GALNTL6: variants seen among roughly 807,000 people sequenced by gnomAD.
GALNTL6 encodes polypeptide N-acetylgalactosaminyltransferase like 6.
A neutral mutation model predicts 73.7 loss-of-function variants in GALNTL6; 46 were observed. The ratio of observed to expected loss-of-function variants is 0.62; its 90% CI spans 0.49 to 0.80. The LOEUF (loss-of-function observed/expected upper bound fraction) is 0.80, where lower values mean the gene tolerates loss of function less well. Ranked by LOEUF, GALNTL6 falls within the 30% of genes least tolerant of loss-of-function variation. The probability of loss-of-function intolerance (pLI) is 0.00; values close to 1 mark genes in which losing one functional copy is unlikely to be tolerated. For missense variants in GALNTL6, 604 were observed against 755.0 expected (o/e 0.80, Z 2.34); for synonymous variants, 259 against 263.7 (o/e 0.98, Z 0.17).
intron 2 of GALNTL6, among the ~76,000 whole-genome samples, chr4:171,946,799 A>T (rs1738715021): frequency 6.6e-6 from 1 of 152,108 alleles, no homozygotes; most frequent in Admixed American, 6.6e-5. Context: ...GAGGAAAAGG[A>T]TTTGGCATGT....
chr4:172,597,973 TAGAG>T (rs1204811083), intron 5 of GALNTL6, among the ~76,000 whole-genome samples: 1 of 151,972 alleles, frequency 6.6e-6, no homozygotes, highest in East Asian at 1.9e-4. Context: ...TTGTGAATAT[TAGAG>T]AGAATTCTGC....
intron 5 of GALNTL6, among the ~76,000 whole-genome samples, chr4:172,456,230 C>T (rs867083648): frequency 6.6e-6 from 1 of 151,986 alleles, no homozygotes; most frequent in Middle Eastern, 3.4e-3. Flanking sequence ...TAGATAAATC[C>T]ACAAAGATGA....
At chr4:172,380,360 C>T (rs1384460418) in intron 5 of GALNTL6, 1 of 695,188 alleles carries the variant, frequency 1.4e-6, no homozygotes, top group Non-Finnish European at 2.7e-6. Flanking sequence ...GTGGGAATCC[C>T]AGGGACTGGC....
chr4:171,990,697 AG>A (rs1359105922), intron 2 of GALNTL6, among the ~76,000 whole-genome samples: 3 of 152,230 alleles, frequency 2.0e-5, no homozygotes, highest in African/African-American at 7.2e-5. Flanking sequence ...CAAACTAAAA[AG>A]TCAAGAAATG....
At chr4:172,206,773 GTGTTTTTTGTTT>G (rs1560969098) in intron 2 of GALNTL6, among the ~76,000 whole-genome samples, 1 of 100,178 alleles carries the variant, frequency 1.0e-5, no homozygotes, top group Non-Finnish European at 2.3e-5. Flanking sequence ...CAGATGAAAC[GTGTTTTTTGTTT>G]TGTTTTGTTT....
At chr4:172,476,443 T>C (rs1164736464) in intron 5 of GALNTL6, among the ~76,000 whole-genome samples, 2 of 152,204 alleles carry the variant, frequency 1.3e-5, no homozygotes, top group Non-Finnish European at 2.9e-5. Flanking sequence ...ATTCAGACCA[T>C]AGCAAATATG....
At chr4:171,968,835 G>C (rs1422978593) in intron 2 of GALNTL6, among the ~76,000 whole-genome samples, 1 of 112,556 alleles carries the variant, frequency 8.9e-6, no homozygotes, top group African/African-American at 2.7e-5. Flanking sequence ...TTTTTTTTGT[G>C]CGGGGTGGGG....
At chr4:172,362,915 G>T (rs915471250) in intron 5 of GALNTL6, among the ~76,000 whole-genome samples, 5 of 152,060 alleles carry the variant, frequency 3.3e-5, no homozygotes, top group African/African-American at 9.7e-5. Context: ...TTCAACTGAG[G>T]CTTTAATTCA....
rs1371769111 is a variant in GALNTL6, at chr4:172,070,888, T to C, written c.139-158768T>C. Among the ~76,000 whole-genome samples, 8 of 109,406 alleles carry C rather than the reference T, an allele frequency of 7.3e-5. 3 individuals carry two copies. The Admixed American group carries it at 7.7e-4, about 11-fold the overall frequency. 71.8% of individuals were successfully genotyped at this position (109,406 alleles called of 152,430 possible). Reference sequence around the variant, plus strand: ...GATATATGCTTTGCTATGGTGACTATAGAATAATATTATTTTATACTATAT... The same window carrying C: ...GATATATGCTTTGCTATGGTGACTACAGAATAATATTATTTTATACTATAT... On this transcript the variant is annotated intron_variant, in intron 2 of 12. Transcript: ENST00000506823.
chr4:171,999,810 C>A (rs1740618926), intron 2 of GALNTL6, among the ~76,000 whole-genome samples: 1 of 151,918 alleles, frequency 6.6e-6, no homozygotes, highest in African/African-American at 2.4e-5. Flanking sequence ...TATTATTTTG[C>A]AAATATTTTT....
At chr4:172,859,219 C>T (rs932168901) in intron 7 of GALNTL6, among the ~76,000 whole-genome samples, 1 of 152,094 alleles carries the variant, frequency 6.6e-6, no homozygotes, top group Non-Finnish European at 1.5e-5. Context: ...GAAGATCACA[C>T]AAAGGAACAG....
chr4:172,572,120 C>A (rs184135026), intron 5 of GALNTL6, among the ~76,000 whole-genome samples: 15 of 152,282 alleles, frequency 9.9e-5, no homozygotes, highest in Admixed American at 5.2e-4. Context: ...ATCAGATCAC[C>A]TAATGCTGTT....
At chr4:172,271,368 A>G (rs963149764) in intron 3 of GALNTL6, among the ~76,000 whole-genome samples, 25 of 152,278 alleles carry the variant, frequency 1.6e-4, no homozygotes, top group African/African-American at 5.8e-4. Flanking sequence ...AGACACACAC[A>G]TAGAGATGCA....
chr4:172,389,768 A>C (rs1050073157), intron 5 of GALNTL6, among the ~76,000 whole-genome samples: 1 of 152,188 alleles, frequency 6.6e-6, no homozygotes, highest in Non-Finnish European at 1.5e-5. Context: ...GATGGTGGAT[A>C]CATAGCTTTT....
At chr4:172,368,512 C>T (rs551055126) in intron 5 of GALNTL6, among the ~76,000 whole-genome samples, 40 of 152,342 alleles carry the variant, frequency 2.6e-4, no homozygotes, top group African/African-American at 9.6e-4. Flanking sequence ...CTCTGCTGCC[C>T]TCTCATATAA....
At chr4:171,944,709 A>G (rs1011919797) in intron 2 of GALNTL6, among the ~76,000 whole-genome samples, 8 of 151,942 alleles carry the variant, frequency 5.3e-5, no homozygotes, top group African/African-American at 1.9e-4. Context: ...ATGAGTCATC[A>G]TATAGGTTTC....
chr4:172,603,582 C>CA (rs895255510), intron 5 of GALNTL6, among the ~76,000 whole-genome samples: 19 of 151,622 alleles, frequency 1.3e-4, no homozygotes, highest in East Asian at 7.7e-4. Context: ...ACTTCAGGAA[C>CA]AAAAAAAATC....
At chr4:172,164,049 A>T (rs958645137) in intron 2 of GALNTL6, among the ~76,000 whole-genome samples, 3 of 152,036 alleles carry the variant, frequency 2.0e-5, no homozygotes, top group African/African-American at 7.2e-5. Flanking sequence ...AGTTTACGAG[A>T]GGATCTAGTG....
chr4:171,903,907 A>C (rs1462066676), intron 2 of GALNTL6, among the ~76,000 whole-genome samples: 1 of 152,108 alleles, frequency 6.6e-6, no homozygotes, highest in African/African-American at 2.4e-5. Context: ...ACGGCCAGGT[A>C]CTCCAACAGA....
Sources: allele counts gnomAD v4.1 joint callset (sites outside exome capture counted in the v4.1 genomes callset), GRCh38; gene constraint gnomAD v4.1.1; transcripts MANE v1.5; gene names NCBI Gene and HGNC (gene_info 2026-07-23, HGNC 2026-07-21).